Variants in SP1 observed in about 807,000 individuals in gnomAD.
SP1 encodes the protein Sp1 transcription factor, also known as transcription factor Sp1.
A neutral mutation model predicts 66.3 loss-of-function variants in SP1; 6 were observed. The ratio of observed to expected loss-of-function variants is 0.09; its 90% CI spans 0.05 to 0.18. The LOEUF is 0.18. Ranked by LOEUF, SP1 falls within the 10% of genes least tolerant of loss-of-function variation. SP1 has a pLI of 1.00. For missense variants in SP1, 848 were observed against 964.5 expected (o/e 0.88, Z 1.60); for synonymous variants, 417 against 360.8 (o/e 1.16, Z -1.77).
intron 4 of SP1, among the ~76,000 whole-genome samples, chr12:53,408,767 G>T (rs990011209): frequency 2.6e-5 from 4 of 151,962 alleles, no homozygotes; most frequent in African/African-American, 9.7e-5. Context: ...TTAGCCGGGT[G>T]TGGTGGCGGG....
At chr12:53,382,024 A>G (rs1938111982) in intron 2 of SP1, 86 bp from the exon 3 acceptor site, 31 of 1,334,780 alleles carry the variant, frequency 2.3e-5, no homozygotes, top group Non-Finnish European at 3.0e-5. Context: ...TGTCTGCACT[A>G]CGTTGCTGTT....
chr12:53,402,473 C>T (rs1246268028), intron 3 of SP1, among the ~76,000 whole-genome samples: 4 of 151,780 alleles, frequency 2.6e-5, no homozygotes, highest in Admixed American at 6.6e-5. Context: ...CCACCCGCCT[C>T]GGCCTCCCAA....
chr12:53,410,482 A>C (rs541848815), intron 5 of SP1, among the ~76,000 whole-genome samples: 1 of 151,944 alleles, frequency 6.6e-6, no homozygotes, highest in Non-Finnish European at 1.5e-5. Flanking sequence ...CGCCCCCGCC[A>C]AAAGGAAAAT....
chr12:53,409,298 G>C (rs532210637), intron 4 of SP1, 64 bp from the exon 5 acceptor site: 854 of 1,350,956 alleles, frequency 6.3e-4, no homozygotes, highest in Admixed American at 2.7e-3. Flanking sequence ...GATTGCTGTT[G>C]ATACTTTGTG....
intron 1 of SP1, among the ~76,000 whole-genome samples, chr12:53,380,912 T>G (rs1938079535): frequency 6.7e-6 from 1 of 149,934 alleles, no homozygotes; most frequent in Admixed American, 6.6e-5. Flanking sequence ...CTTTTTCCCC[T>G]CTCGTTACTT....
Position 53,382,625 on chromosome 12 carries a change from T to C in SP1, c.678T>C (p.Ala226=), listed in dbSNP as rs751205650. 2.5e-6 allele frequency: 4 copies of C among 1,614,204 alleles called. No homozygotes were observed. In the Admixed American group the frequency reaches 6.7e-5, roughly 27 times the overall value. ...TNRGSGGNII[A]AMPNLLQQAV... ...GAGGAAGTGGAGGCAACATCATTGC[T>C]GCTATGCCAAACCTACTCCAGCAGG... Residue 226 remains alanine, a synonymous_variant, in exon 3 of 6, where the codon GCT becomes GCC. Transcript: ENST00000327443.
chr12:53,412,998 T>C lies in SP1; in HGVS notation c.*1758T>C, dbSNP rs1348896549. Reference sequence around the variant, plus strand: ...GTTAGGTTGGGGATAGGTTTTCTGCTAGCCAATATTAAAAGAGACCTGCAA... The same window carrying C: ...GTTAGGTTGGGGATAGGTTTTCTGCCAGCCAATATTAAAAGAGACCTGCAA... On this transcript the variant is annotated 3_prime_UTR_variant, in exon 6 of 6. Transcript: ENST00000327443. 1 of 152,184 alleles carries C rather than the reference T, an allele frequency of 6.6e-6. No homozygotes were observed. The highest frequency in any genetic ancestry group is 2.4e-5 in the African/African-American group (1 of 41,298). The allele number at this position is 152,184 out of a possible 1,614,324, so 9.4% of individuals were successfully genotyped here.
chr12:53,389,790 T>C (rs1373886473), intron 3 of SP1, among the ~76,000 whole-genome samples: 1 of 152,174 alleles, frequency 6.6e-6, no homozygotes, highest in African/African-American at 2.4e-5. Flanking sequence ...GGGAGTTGGC[T>C]TTTAAAGATT....
chr12:53,403,132 GA>G (rs78685074), intron 3 of SP1, among the ~76,000 whole-genome samples: 1 of 149,992 alleles, frequency 6.7e-6, no homozygotes, highest in Non-Finnish European at 1.5e-5. Context: ...TCTCAAGAAA[GA>G]AAAAAAAAGA....
At position 53,390,512 on chromosome 12, in the gene SP1, G is replaced by A. The variant is rs890872090; in HGVS notation, c.1675+6890G>A. Among the ~76,000 whole-genome samples, 12 of 152,152 alleles carry A rather than the reference G, an allele frequency of 7.9e-5. No individual in the cohort carries two copies. In the South Asian group the frequency reaches 1.9e-3, roughly 24 times the overall value. ...AGCCTGGACAACATGGTGAAACCCC[G>A]TCTCTACTAAAATACAAAAAATCAG... On this transcript the variant is annotated intron_variant, in intron 3 of 5. Coordinates refer to ENST00000327443, the MANE Select transcript of SP1 (RefSeq NM_138473.3).
chr12:53,387,780 TC>T (rs990954819), intron 3 of SP1, among the ~76,000 whole-genome samples: 9 of 152,126 alleles, frequency 5.9e-5, no homozygotes, highest in African/African-American at 2.2e-4. Context: ...GGTCAGGAGA[TC>T]AAGACCATCC....
chr12:53,388,182 T>A (rs1158532864), intron 3 of SP1, among the ~76,000 whole-genome samples: 1 of 152,192 alleles, frequency 6.6e-6, no homozygotes, highest in African/African-American at 2.4e-5. Context: ...CACCATCATG[T>A]TTATTTTCTA....
chr12:53,394,049 G>A (rs1407163325), intron 3 of SP1, among the ~76,000 whole-genome samples: 4 of 151,832 alleles, frequency 2.6e-5, no homozygotes, highest in Non-Finnish European at 5.9e-5. Context: ...ACCCCCGTCT[G>A]TACTAAAAAT....
intron 3 of SP1, among the ~76,000 whole-genome samples, chr12:53,392,347 ATTTTTTTT>A (rs574953864): frequency 3.5e-5 from 3 of 85,340 alleles, no homozygotes; most frequent in South Asian, 3.7e-4. Flanking sequence ...CACCTGGCTA[ATTTTTTTT>A]TTTTTTTTTT....
Position 53,409,528 on chromosome 12 carries a change from G to A in SP1, c.2011G>A (p.Asp671Asn), listed in dbSNP as rs1347724272. Residue 671 changes from aspartate to asparagine, a missense_variant, in exon 5 of 6, where the codon GAT (aspartate) becomes AAT (asparagine). Physicochemically the swap from Asp to Asn is conservative, Grantham distance 23. Coordinates refer to ENST00000327443, the MANE Select transcript of SP1 (RefSeq NM_138473.3). ...CTGTGGGAAACGCTTCACACGTTCGGATGAGCTACAGAGGCACAAACGTAC... is the reference window on the plus strand; with the variant it reads ...CTGTGGGAAACGCTTCACACGTTCGAATGAGCTACAGAGGCACAAACGTAC... The part of the protein sequence containing the change: ...SYCGKRFTRS[D>N]ELQRHKRTHT... 6.2e-7 allele frequency: 1 copy of A among 1,614,188 alleles called. No individual in the cohort carries two copies. The highest frequency in any genetic ancestry group is 8.5e-7 in the Non-Finnish European group (1 of 1,180,026).
chr12:53,395,170 G>T (rs115445829), intron 3 of SP1, among the ~76,000 whole-genome samples: 1 of 151,914 alleles, frequency 6.6e-6, no homozygotes, highest in Non-Finnish European at 1.5e-5. Context: ...GTGAAACCTC[G>T]TCTCAACTGA....
intron 1 of SP1, 95 bp from the exon 2 acceptor site, chr12:53,381,564 A>T: frequency 1.7e-6 from 2 of 1,153,182 alleles, no homozygotes; most frequent in Non-Finnish European, 2.4e-6. Context: ...CCTTCCTGTT[A>T]GTCATTGCTA....
chr12:53,397,568 G>A (rs1938517261), intron 3 of SP1, among the ~76,000 whole-genome samples: 1 of 147,066 alleles, frequency 6.8e-6, no homozygotes, highest in South Asian at 2.1e-4. Context: ...GGGTTCAAGC[G>A]ACTCTTTTTC....
chr12:53,409,529 A>G lies in SP1; in HGVS notation c.2012A>G (p.Asp671Gly), dbSNP rs966080751. The G allele has an allele frequency of 1.2e-6, 2 of 1,614,222 alleles. No individual in the cohort carries two copies. The highest frequency in any genetic ancestry group is 1.7e-6 in the Non-Finnish European group (2 of 1,180,042). The change falls in exon 5 of 6, where the codon GAT becomes GGT. Residue 671 changes from aspartate to glycine, a missense_variant. Physicochemically the swap from Asp to Gly is moderately conservative, Grantham distance 94. Coordinates refer to ENST00000327443, the MANE Select transcript of SP1 (RefSeq NM_138473.3). The stretch of plus-strand genomic sequence containing the variant: ...TGTGGGAAACGCTTCACACGTTCGG[A>G]TGAGCTACAGAGGCACAAACGTACA... ...SYCGKRFTRS[D>G]ELQRHKRTHT...
Sources: gnomAD v4.1 joint callset for allele counts (sites outside exome capture counted in the v4.1 genomes callset) on GRCh38, gnomAD v4.1.1 for gene constraint, MANE v1.5 for transcripts, NCBI Gene and HGNC (gene_info 2026-07-23, HGNC 2026-07-21) for gene names.